PIWIL4: variants seen among roughly 807,000 people sequenced by gnomAD.
PIWIL4 encodes piwi like RNA-mediated gene silencing 4, also known as piwi-like protein 4.
A neutral mutation model predicts 100.9 loss-of-function variants in PIWIL4; 50 were observed. The ratio of observed to expected loss-of-function variants is 0.50; its 90% confidence interval spans 0.39 to 0.63. The LOEUF (loss-of-function observed/expected upper bound fraction) is 0.63. Ranked by LOEUF, PIWIL4 falls within the 20% of genes least tolerant of loss-of-function variation. The probability of loss-of-function intolerance (pLI) is 0.00; values close to 1 mark genes in which losing one functional copy is unlikely to be tolerated. For synonymous variants in PIWIL4, 342 were observed against 367.5 expected (o/e 0.93, Z 0.79); for missense variants, 887 against 1,043.3 (o/e 0.85, Z 2.06).
Position 94,601,924 on chromosome 11 carries a change from A to C in PIWIL4, c.1510A>C (p.Asn504His), listed in dbSNP as rs1295225017. 1.2e-6 allele frequency: 2 copies of C among 1,613,908 alleles called. No individual in the cohort carries two copies. Among genetic ancestry groups the C allele is most frequent in the African/African-American group, 2.7e-5 (2 of 74,916 alleles). The change falls in exon 12 of 20, where the codon AAC (asparagine) becomes CAC (histidine). Residue 504 changes from asparagine to histidine, a missense_variant. Transcript: ENST00000299001. The stretch of plus-strand genomic sequence containing the variant: ...TGAATATGTTGCCGAGAGCTTTCTG[A>C]ACTGCTTGAGAAGAGTTGCAGGTTC... The part of the protein sequence containing the change: ...RTEYVAESFL[N>H]CLRRVAGSMG...
At chr11:94,570,575 G>A (rs1301959899) in intron 2 of PIWIL4, among the ~76,000 whole-genome samples, 3 of 152,040 alleles carry the variant, frequency 2.0e-5, no homozygotes, top group South Asian at 2.1e-4. Flanking sequence ...GGAACACAGT[G>A]TAGCCTGTGA....
At chr11:94,591,651 A>G (rs900173657) in intron 8 of PIWIL4, among the ~76,000 whole-genome samples, 9 of 152,316 alleles carry the variant, frequency 5.9e-5, no homozygotes, top group Non-Finnish European at 1.0e-4. Flanking sequence ...AACGGGAATC[A>G]TGGTAAAAAT....
intron 13 of PIWIL4, 23 bp downstream of exon 13, chr11:94,604,079 A>G: frequency 6.7e-7 from 1 of 1,489,018 alleles, no homozygotes; most frequent in Non-Finnish European, 9.3e-7. Flanking sequence ...TACTTTTTGA[A>G]CTCCTTTAAT....
At chr11:94,598,692 G>A (rs1336526676) in intron 11 of PIWIL4, among the ~76,000 whole-genome samples, 2 of 145,810 alleles carry the variant, frequency 1.4e-5, no homozygotes, top group African/African-American at 2.6e-5. Flanking sequence ...AGAATGGGGG[G>A]AATTTTTTCC....
chr11:94,567,586 G>A lies in PIWIL4; in HGVS notation c.68G>A (p.Arg23His), dbSNP rs772344895. The change falls in exon 1 of 20, where the codon CGC becomes CAC. Residue 23 changes from arginine (R) to histidine (H), a missense_variant. This residue lies in a region of PIWIL4 where 146 missense variants were observed against 113.4 expected (regional missense o/e 1.29). Transcript: ENST00000299001. The stretch of plus-strand genomic sequence containing the variant: ...AGCCCCAGTGCCACAGAAGTGGGGC[G>A]CATCCAAGCCTCGCCATTGGTGTGT... ...ARSPSATEVG[R>H]IQASPLPRSV... The A allele has an allele frequency of 1.9e-6, 3 of 1,603,644 alleles. No homozygotes were observed. Among genetic ancestry groups the A allele is most frequent in the Admixed American group, 1.7e-5 (1 of 58,956 alleles).
chr11:94,619,587 A>T (rs925814233), intron 17 of PIWIL4, among the ~76,000 whole-genome samples, 173 bp from the exon 18 acceptor site: 2 of 152,230 alleles, frequency 1.3e-5, no homozygotes, highest in African/African-American at 4.8e-5. Context: ...TCCCTAATTT[A>T]AAAAATTGTA....
In PIWIL4 at chr11:94,621,079, G is replaced by A. The variant is rs1387157589; in HGVS notation, c.*87G>A. On this transcript the variant is annotated 3_prime_UTR_variant, in exon 20 of 20. Transcript: ENST00000299001. ...AAATCTGCCATAAGCTCAAGGCTGTGACTGGGGAAAAAGATTGAGCTTAGT... is the reference window on the plus strand; with the variant it reads ...AAATCTGCCATAAGCTCAAGGCTGTAACTGGGGAAAAAGATTGAGCTTAGT... 1.1e-5 allele frequency: 10 copies of A among 883,056 alleles called. No individual in the cohort carries two copies. 54.7% of individuals were successfully genotyped at this position (883,056 alleles called of 1,614,324 possible).
chr11:94,597,257 G>A (rs1348335707), intron 10 of PIWIL4, among the ~76,000 whole-genome samples: 1 of 151,976 alleles, frequency 6.6e-6, no homozygotes, highest in Non-Finnish European at 1.5e-5. Flanking sequence ...ATCCTTCTTC[G>A]ACTCTCAACC....
intron 15 of PIWIL4, among the ~76,000 whole-genome samples, chr11:94,615,690 T>C (rs1379481885): frequency 2.0e-5 from 3 of 152,118 alleles, no homozygotes; most frequent in Non-Finnish European, 4.4e-5. Flanking sequence ...GCAGTGGCTA[T>C]TCACAGGCAC....
intron 13 of PIWIL4, among the ~76,000 whole-genome samples, chr11:94,607,146 A>G (rs577633951): frequency 5.2e-4 from 79 of 152,238 alleles, no homozygotes; most frequent in African/African-American, 1.7e-3. Context: ...GAGGGAATTG[A>G]CAGAATCAAA....
At chr11:94,582,842 C>A in intron 4 of PIWIL4, among the ~76,000 whole-genome samples, 1 of 152,024 alleles carries the variant, frequency 6.6e-6, no homozygotes, top group African/African-American at 2.4e-5. Flanking sequence ...TTTACTTTCC[C>A]TCTCATTTAT....
chr11:94,568,388 C>T (rs1257276859), intron 1 of PIWIL4, among the ~76,000 whole-genome samples: 2 of 152,108 alleles, frequency 1.3e-5, no homozygotes, highest in Non-Finnish European at 2.9e-5. Context: ...CATTTTATGT[C>T]CGTGGGCTAT....
intron 11 of PIWIL4, among the ~76,000 whole-genome samples, chr11:94,599,389 T>C (rs1948604943): frequency 6.6e-6 from 1 of 152,206 alleles, no homozygotes; most frequent in African/African-American, 2.4e-5. Flanking sequence ...CATCAACTTC[T>C]TGGCCCATTC....
At chr11:94,610,275 A>G (rs1312447938) in intron 15 of PIWIL4, among the ~76,000 whole-genome samples, 1 of 152,044 alleles carries the variant, frequency 6.6e-6, no homozygotes, top group Non-Finnish European at 1.5e-5. Context: ...ACCATCCATC[A>G]GTTGTCACAG....
Position 94,618,112 on chromosome 11 carries a change from T to A in PIWIL4, c.2168+5T>A. The A allele has an allele frequency of 4.5e-6, 7 of 1,556,174 alleles. No homozygotes were observed. Among genetic ancestry groups the A allele is most frequent in the Non-Finnish European group, 6.1e-6 (7 of 1,147,432 alleles). On this transcript the variant is annotated splice_donor_5th_base_variant and intron_variant, in intron 17 of 19. Transcript: ENST00000299001. ...AGAATCCAGCTCAAATACCAGGTAT[T>A]CAATTATTGTTCTTTCCTCCATACT...
chr11:94,597,962 T>A, intron 11 of PIWIL4, 47 bp downstream of exon 11: 1 of 1,472,670 alleles, frequency 6.8e-7, no homozygotes, highest in Non-Finnish European at 9.4e-7. Flanking sequence ...TACTTGAATA[T>A]GTGTAAGTTT....
rs200467170 is a variant in PIWIL4, at chr11:94,616,473, AT to A, written c.1944-9del. ...AAAATTGAAGTTGAATTTTACTTTT[AT>A]TTTTTTTTTTAACTTTAGGTGGTTT... On this transcript the variant is annotated intron_variant, in intron 15 of 19. Coordinates refer to ENST00000299001, the MANE Select transcript of PIWIL4 (RefSeq NM_152431.3). 34,361 of 1,049,640 alleles carry A rather than the reference AT, an allele frequency of 0.033. 1 individual carries two copies. Among genetic ancestry groups the A allele is most frequent in the South Asian group, 0.037 (1,918 of 52,062 alleles). 65.0% of individuals were successfully genotyped at this position (1,049,640 alleles called of 1,614,324 possible).
Position 94,611,383 on chromosome 11 carries a change from C to T in PIWIL4, c.1943+2697C>T, listed in dbSNP as rs140809664. 3.3e-5 allele frequency among the ~76,000 whole-genome samples: 5 copies of T among 151,980 alleles called. No homozygotes were observed. The East Asian group carries it at 9.7e-4, about 29-fold the overall frequency. ...GGGCTTTCCTTTTTTTTCACATAGG[C>T]ATTTATTGCCATAAACTTCCATCTT... On this transcript the variant is annotated intron_variant, in intron 15 of 19. Transcript: ENST00000299001.
At chr11:94,602,502 C>G (rs1948656522) in intron 12 of PIWIL4, among the ~76,000 whole-genome samples, 2 of 152,274 alleles carry the variant, frequency 1.3e-5, no homozygotes, top group Admixed American at 1.3e-4. Context: ...ACCATTTATT[C>G]TTAGAATGTT....
Sources: allele counts gnomAD v4.1 joint callset (sites outside exome capture counted in the v4.1 genomes callset), GRCh38; gene constraint gnomAD v4.1.1; regional missense constraint gnomAD v4.1.1; transcripts MANE v1.5; gene names NCBI Gene and HGNC (gene_info 2026-07-23, HGNC 2026-07-21).